The following CNTNAP2 variants were observed in gnomAD, a reference collection of about 807,000 sequenced individuals.
CNTNAP2 encodes contactin-associated protein-like 2.
CNTNAP2 carries 98 observed loss-of-function variants against 155.2 expected under a neutral mutation model. The ratio of observed to expected loss-of-function variants is 0.63; its 90% CI spans 0.54 to 0.75. The LOEUF (loss-of-function observed/expected upper bound fraction) is 0.75. Ranked by LOEUF, CNTNAP2 falls within the 30% of genes least tolerant of loss-of-function variation. The probability of loss-of-function intolerance (pLI) is 0.00; values close to 1 mark genes in which losing one functional copy is unlikely to be tolerated. For missense variants in CNTNAP2, 1,727 were observed against 1,688.1 expected (o/e 1.02, Z -0.40); for synonymous variants, 651 against 631.2 (o/e 1.03, Z -0.47).
chr7:147,810,449 A>T (rs1798161744), intron 13 of CNTNAP2, among the ~76,000 whole-genome samples: 1 of 152,074 alleles, frequency 6.6e-6, no homozygotes, highest in African/African-American at 2.4e-5. Context: ...TGTTGAGGAC[A>T]AAATTATTAA....
intron 13 of CNTNAP2, among the ~76,000 whole-genome samples, chr7:147,705,502 G>T (rs1386096997): frequency 1.3e-5 from 2 of 152,106 alleles, no homozygotes; most frequent in East Asian, 3.9e-4. Flanking sequence ...TCCATGTACT[G>T]ATGGGAAGAA....
chr7:147,582,308 G>A (rs1800517604), intron 12 of CNTNAP2, among the ~76,000 whole-genome samples: 1 of 152,060 alleles, frequency 6.6e-6, no homozygotes, highest in Non-Finnish European at 1.5e-5. Context: ...TGTAATCTCT[G>A]TTTCAACAAA....
At chr7:147,276,103 A>G (rs1804889619) in intron 8 of CNTNAP2, among the ~76,000 whole-genome samples, 1 of 151,998 alleles carries the variant, frequency 6.6e-6, no homozygotes, top group African/African-American at 2.4e-5. Flanking sequence ...TTTGCATGCA[A>G]TATCCCAGCA....
chr7:147,376,387 A>C (rs1796434005), intron 9 of CNTNAP2, among the ~76,000 whole-genome samples: 1 of 151,952 alleles, frequency 6.6e-6, no homozygotes, highest in Non-Finnish European at 1.5e-5. Flanking sequence ...TGGAGTAAGA[A>C]ACAGTCATCA....
At chr7:146,542,021 T>A (rs1797960698) in intron 1 of CNTNAP2, among the ~76,000 whole-genome samples, 1 of 151,982 alleles carries the variant, frequency 6.6e-6, no homozygotes, top group African/African-American at 2.4e-5. Flanking sequence ...TAAACATTTT[T>A]TTTCAGGAAA....
At chr7:146,129,342 C>A (rs1335181039) in intron 1 of CNTNAP2, among the ~76,000 whole-genome samples, 1 of 152,034 alleles carries the variant, frequency 6.6e-6, no homozygotes, top group Non-Finnish European at 1.5e-5. Flanking sequence ...GCTTTTAGAT[C>A]TGCTATTTGT....
chr7:146,161,568 G>T (rs945547019), intron 1 of CNTNAP2, among the ~76,000 whole-genome samples: 1 of 152,100 alleles, frequency 6.6e-6, no homozygotes, highest in Admixed American at 6.6e-5. Flanking sequence ...AATCAATATT[G>T]TGAAAATGGC....
At chr7:146,141,614 CT>C (rs1409887193) in intron 1 of CNTNAP2, among the ~76,000 whole-genome samples, 1 of 151,958 alleles carries the variant, frequency 6.6e-6, no homozygotes, top group Non-Finnish European at 1.5e-5. Context: ...AAGATTGTAC[CT>C]TTCAAGAAAA....
intron 17 of CNTNAP2, among the ~76,000 whole-genome samples, chr7:148,166,529 T>C (rs1030982282): frequency 2.0e-5 from 3 of 152,176 alleles, no homozygotes; most frequent in Admixed American, 6.5e-5. Flanking sequence ...GTTTTTGCCC[T>C]TTTTGTTTAA....
chr7:146,352,033 G>A (rs561039540), intron 1 of CNTNAP2, among the ~76,000 whole-genome samples: 1 of 152,290 alleles, frequency 6.6e-6, no homozygotes, highest in Admixed American at 6.5e-5. Flanking sequence ...CAAGGGTTAA[G>A]TACATTTTCA....
In CNTNAP2 at chr7:148,136,632, C is replaced by A. The variant is rs11983777; in HGVS notation, c.2555-10859C>A. Among the ~76,000 whole-genome samples the A allele has an allele frequency of 9.4e-3, 1,429 of 152,240 alleles. 24 individuals carry two copies. The highest frequency in any genetic ancestry group is 0.032 in the African/African-American group (1,317 of 41,544). On this transcript the variant is annotated intron_variant, in intron 16 of 23. Transcript: ENST00000361727. ...AGAACAGCTGGATAGTACTGCTAACCGATGACCCTATCCCCAAAGCTGTTT... is the reference window on the plus strand; with the variant it reads ...AGAACAGCTGGATAGTACTGCTAACAGATGACCCTATCCCCAAAGCTGTTT...
chr7:146,600,809 A>C (rs1798939515), intron 1 of CNTNAP2, among the ~76,000 whole-genome samples: 2 of 152,266 alleles, frequency 1.3e-5, no homozygotes, highest in East Asian at 3.9e-4. Context: ...GACATATAAT[A>C]GCTGGTCAGT....
At chr7:147,514,215 T>C (rs978660016) in intron 11 of CNTNAP2, among the ~76,000 whole-genome samples, 2 of 152,190 alleles carry the variant, frequency 1.3e-5, no homozygotes, top group Admixed American at 6.5e-5. Flanking sequence ...AACAACCATA[T>C]TGGTTTATTC....
intron 8 of CNTNAP2, among the ~76,000 whole-genome samples, chr7:147,214,943 G>C (rs1344376066): frequency 6.6e-6 from 1 of 152,108 alleles, no homozygotes; most frequent in Non-Finnish European, 1.5e-5. Context: ...TTCCTCACAA[G>C]GCAGCAGGAG....
intron 14 of CNTNAP2, among the ~76,000 whole-genome samples, chr7:147,914,273 G>A (rs1396493925): frequency 6.6e-6 from 1 of 152,114 alleles, no homozygotes; most frequent in African/African-American, 2.4e-5. Context: ...GGTCGTGGTG[G>A]CTCACGCCTG....
At chr7:146,907,758 C>A (rs989718073) in intron 3 of CNTNAP2, among the ~76,000 whole-genome samples, 1 of 149,786 alleles carries the variant, frequency 6.7e-6, no homozygotes, top group Non-Finnish European at 1.5e-5. Flanking sequence ...AGCAAAATCA[C>A]CAGCTAACAT....
At chr7:148,340,231 C>A (rs1406061120) in intron 21 of CNTNAP2, among the ~76,000 whole-genome samples, 1 of 152,142 alleles carries the variant, frequency 6.6e-6, no homozygotes, top group African/African-American at 2.4e-5. Context: ...TAAGTAGACA[C>A]ACCCCAAAAG....
chr7:147,158,487 T>C (rs1003856167), intron 8 of CNTNAP2, among the ~76,000 whole-genome samples: 3 of 152,122 alleles, frequency 2.0e-5, no homozygotes, highest in African/African-American at 7.2e-5. Context: ...GAAAAGGAAC[T>C]ACTTTTTTCA....
chr7:148,397,239 C>A (rs1258902744), intron 22 of CNTNAP2, among the ~76,000 whole-genome samples: 1 of 152,230 alleles, frequency 6.6e-6, no homozygotes, highest in Admixed American at 6.5e-5. Context: ...GGCTGCACAT[C>A]AGTCACCTGG....
Sources: allele counts gnomAD v4.1 joint callset (sites outside exome capture counted in the v4.1 genomes callset), GRCh38; gene constraint gnomAD v4.1.1; transcripts MANE v1.5; gene names NCBI Gene and HGNC (gene_info 2026-07-23, HGNC 2026-07-21).